The following MYO1F variants were observed in gnomAD, a reference collection of about 807,000 sequenced individuals.
MYO1F encodes the protein unconventional myosin-If.
A neutral mutation model predicts 146.6 loss-of-function variants in MYO1F; 60 were observed. The ratio of observed to expected loss-of-function variants is 0.41; its 90% CI spans 0.33 to 0.51. The LOEUF (loss-of-function observed/expected upper bound fraction) is 0.51, where lower values mean the gene tolerates loss of function less well. MYO1F is among the 20% of genes least tolerant of loss of function. MYO1F has a pLI of 0.25. For missense variants in MYO1F, 1,274 were observed against 1,534.3 expected (o/e 0.83, Z 2.83); for synonymous variants, 602 against 602.1 (o/e 1.00, Z 0.00).
chr19:8,534,237 A>G (rs1972609871), intron 19 of MYO1F, among the ~76,000 whole-genome samples: 1 of 151,880 alleles, frequency 6.6e-6, no homozygotes, highest in Non-Finnish European at 1.5e-5. Flanking sequence ...AAAGGCTCCA[A>G]CTCCATTAAG....
At chr19:8,534,506 C>T (rs1972623194) in intron 19 of MYO1F, among the ~76,000 whole-genome samples, 1 of 151,932 alleles carries the variant, frequency 6.6e-6, no homozygotes, top group Admixed American at 6.6e-5. Context: ...GGGGTTTCCC[C>T]ATGTTGGCCA....
intron 11 of MYO1F, 26 bp downstream of exon 11, chr19:8,548,211 T>C (rs1433672790): frequency 6.2e-7 from 1 of 1,613,428 alleles, no homozygotes; most frequent in African/African-American, 1.3e-5. Context: ...GAGGACAGGA[T>C]GTGGGCTGGA....
At chr19:8,574,106 A>G (rs970147163) in intron 1 of MYO1F, among the ~76,000 whole-genome samples, 2 of 152,106 alleles carry the variant, frequency 1.3e-5, no homozygotes, top group African/African-American at 2.4e-5. Context: ...CTGGTCACCA[A>G]GCATCTCCAG....
At position 8,530,845 on chromosome 19, in the gene MYO1F, G is replaced by A. The variant is rs1222540384; in HGVS notation, c.2044-272C>T. ...ACCTGAGGTCAGGAGTTTGAGACGA[G>A]CCTGACCGACATAGTGAAACCCCAT... On this transcript the variant is annotated intron_variant, in intron 19 of 27. Transcript: ENST00000644032. The surrounding 1 kb of genome is among the most constrained non-coding windows in gnomAD (Gnocchi z 5.8). 6.6e-6 allele frequency among the ~76,000 whole-genome samples: 1 copy of A among 152,166 alleles called. No individual in the cohort carries two copies. Among genetic ancestry groups the A allele is most frequent in the African/African-American group, 2.4e-5 (1 of 41,442 alleles).
At chr19:8,574,880 C>T (rs937335568) in intron 1 of MYO1F, among the ~76,000 whole-genome samples, 9 of 150,224 alleles carry the variant, frequency 6.0e-5, no homozygotes, top group African/African-American at 2.2e-4. Context: ...CTCAGGTTCC[C>T]GGGTAGCTGG....
chr19:8,548,249 G>A lies in MYO1F; in HGVS notation c.1170C>T (p.Phe390=), dbSNP rs73004514. 4,491 of 1,614,018 alleles carry A rather than the reference G, an allele frequency of 2.8e-3. 7 individuals are homozygous for A. The highest frequency in any genetic ancestry group is 3.6e-3 in the Non-Finnish European group (4,215 of 1,179,988). The change falls in exon 11 of 28, where the codon TTC becomes TTT. Residue 390 remains phenylalanine (F), a synonymous_variant. Transcript: ENST00000644032. ...CAGGGGGCCGTACCTGGAAGATCTCGAAGCCGTAAATGTCCAGCACACCGA... is the reference window on the plus strand; with the variant it reads ...CAGGGGGCCGTACCTGGAAGATCTCAAAGCCGTAAATGTCCAGCACACCGA... The part of the protein sequence containing the change: ...YSIGVLDIYG[F]EIFQKNGFEQ...
At chr19:8,535,864 G>A (rs1371746197) in intron 19 of MYO1F, among the ~76,000 whole-genome samples, 2 of 151,730 alleles carry the variant, frequency 1.3e-5, no homozygotes, top group African/African-American at 2.4e-5. Context: ...TGTATTTTTA[G>A]TAGAGACGCG....
intron 19 of MYO1F, 52 bp downstream of exon 19, chr19:8,536,200 C>T: frequency 1.9e-6 from 3 of 1,586,970 alleles, no homozygotes; most frequent in Non-Finnish European, 2.6e-6. Context: ...CCTCTCTATA[C>T]CTTTCTCTCT....
chr19:8,550,706 C>CG lies in MYO1F; in HGVS notation c.772-13dup. On this transcript the variant is annotated splice_polypyrimidine_tract_variant and intron_variant, in intron 8 of 27. Transcript: ENST00000644032. ...ACCTGCATAGCACTCTGTGGTACAA[C>CG]GGGGGCAGAAACTGTGCCGTGAATC... 6.2e-7 allele frequency: 1 copy of CG among 1,613,868 alleles called. No homozygotes were observed. The highest frequency in any genetic ancestry group is 8.5e-7 in the Non-Finnish European group (1 of 1,179,940).
At chr19:8,543,897 CTGGTGGTGGTGGTGG>C (rs1203381495) in intron 14 of MYO1F, among the ~76,000 whole-genome samples, 2 of 11,098 alleles carry the variant, frequency 1.8e-4, no homozygotes, top group Non-Finnish European at 3.0e-4. Context: ...GGTGGTGGTG[CTGGTGGTGGTGGTGG>C]TGGTGGTGGT....
At chr19:8,531,725 A>C (rs1019396918) in intron 19 of MYO1F, among the ~76,000 whole-genome samples, 1 of 152,242 alleles carries the variant, frequency 6.6e-6, no homozygotes, top group Non-Finnish European at 1.5e-5. Context: ...ACGGTTTCTT[A>C]CACTGTTACT....
intron 13 of MYO1F, among the ~76,000 whole-genome samples, chr19:8,545,067 C>CGGCATGGAATCTGCAAATTTG: frequency 6.6e-6 from 1 of 151,920 alleles, no homozygotes. Flanking sequence ...CATGAGCCAC[C>CGGCATGGAATCTGCAAATTTG]ATGTCCCGCC....
chr19:8,525,349 G>T, intron 25 of MYO1F, 130 bp downstream of exon 25: 1 of 795,890 alleles, frequency 1.3e-6, no homozygotes, highest in Non-Finnish European at 2.1e-6. Flanking sequence ...GAGATGTGGA[G>T]CTACGGAGAG....
chr19:8,530,571 A>T lies in MYO1F; in HGVS notation c.2046T>A (p.Leu682=). The T allele has an allele frequency of 6.2e-7, 1 of 1,610,722 alleles. No individual in the cohort carries two copies. Among genetic ancestry groups the T allele is most frequent in the Non-Finnish European group, 8.5e-7 (1 of 1,179,800 alleles). ...TKVFVKNPES[L]FLLEEVRERK... ...GCTCTCGCACCTCCTCCAGGAGGAA[A>T]AGCTGGGCGGGGGTCGTGGGGGGCA... The change falls in exon 20 of 28, where the codon CTT becomes CTA. Residue 682 remains leucine (L), a splice_region_variant and synonymous_variant. Transcript: ENST00000644032. The surrounding 1 kb of genome is among the most constrained non-coding windows in gnomAD (Gnocchi z 5.8).
intron 24 of MYO1F, among the ~76,000 whole-genome samples, chr19:8,526,124 C>A (rs1008878640): frequency 2.0e-5 from 3 of 152,088 alleles, no homozygotes; most frequent in Non-Finnish European, 2.9e-5. Context: ...GTAATGAGTT[C>A]AAGACCAGCC....
chr19:8,532,029 A>G (rs1224920802), intron 19 of MYO1F, among the ~76,000 whole-genome samples: 2 of 152,022 alleles, frequency 1.3e-5, no homozygotes, highest in Non-Finnish European at 2.9e-5. Flanking sequence ...GAGGCAGGAG[A>G]ATCGCTTGAA....
At chr19:8,543,735 CTGGTGGTGCTGG>C (rs1568348695) in intron 14 of MYO1F, among the ~76,000 whole-genome samples, 95 of 11,156 alleles carry the variant, frequency 8.5e-3, no homozygotes, top group African/African-American at 0.022. Flanking sequence ...GCTGGTGGTG[CTGGTGGTGCTGG>C]TGGTGGTGGT....
In MYO1F at chr19:8,544,328, G is replaced by C; in HGVS notation, c.1493C>G (p.Ala498Gly). Residue 498 changes from alanine to glycine, a missense_variant, in exon 14 of 28, where the codon GCC becomes GGC. By Grantham distance (60) the Ala-to-Gly change is moderately conservative. Around this residue, in one of 2 missense-constraint regions of MYO1F, gnomAD observed 900 missense variants for 1,155.1 expected, o/e 0.78. Transcript: ENST00000644032. The part of the protein sequence containing the change: ...GTHEHFNSWS[A>G]GFVIHHYAGK... ...AGCGTAGTGGTGGATGACGAAGCCG[G>C]CGCTCCAGCTGTTGAAATGCTCGTG... 3 of 1,613,108 alleles carry C rather than the reference G, an allele frequency of 1.9e-6. No homozygotes were observed. Among genetic ancestry groups the C allele is most frequent in the Non-Finnish European group, 8.5e-7 (1 of 1,179,862 alleles).
chr19:8,575,703 A>G (rs1219417782), intron 1 of MYO1F, among the ~76,000 whole-genome samples: 1 of 150,576 alleles, frequency 6.6e-6, no homozygotes, highest in Non-Finnish European at 1.5e-5. Flanking sequence ...GCATCCCCAG[A>G]CAGAGGTGGG....
Sources: allele counts gnomAD v4.1 joint callset (sites outside exome capture counted in the v4.1 genomes callset), GRCh38; gene constraint gnomAD v4.1.1; regional missense constraint gnomAD v4.1.1; non-coding constraint Gnocchi (gnomAD v3.1); transcripts MANE v1.5; gene names NCBI Gene and HGNC (gene_info 2026-07-23, HGNC 2026-07-21).